The following AOPEP variants were observed in gnomAD, a reference collection of about 807,000 sequenced individuals.
The protein encoded by AOPEP is aminopeptidase O (putative), also known as aminopeptidase O.
In AOPEP, 77 loss-of-function variants were observed where a neutral mutation model predicts 98.1. The ratio of observed to expected loss-of-function variants is 0.78; its 90% confidence interval spans 0.65 to 0.95. AOPEP has a LOEUF of 0.95. Among genes scored for constraint, AOPEP ranks in the 40% least tolerant of loss-of-function variants. The probability of loss-of-function intolerance (pLI) is 0.00; values close to 1 mark genes in which losing one functional copy is unlikely to be tolerated. For missense variants in AOPEP, 1,024 were observed against 1,024.7 expected (o/e 1.00, Z 0.01); for synonymous variants, 346 against 365.3 (o/e 0.95, Z 0.60).
chr9:95,146,815 C>A, the AOPEP span, among the ~76,000 whole-genome samples: 2 of 151,696 alleles, frequency 1.3e-5, no homozygotes, highest in African/African-American at 2.4e-5. Flanking sequence ...AGAACTGTTT[C>A]CAGAGAGGGA....
At chr9:95,063,398 C>T (rs1033956156) in intron 14 of AOPEP, among the ~76,000 whole-genome samples, 1 of 152,198 alleles carries the variant, frequency 6.6e-6, no homozygotes, top group African/African-American at 2.4e-5. Flanking sequence ...GACTGACCTT[C>T]AGGCAGCAGC....
intron 5 of AOPEP, among the ~76,000 whole-genome samples, chr9:94,841,151 T>G (rs1279077804): frequency 6.6e-6 from 1 of 152,120 alleles, no homozygotes; most frequent in Non-Finnish European, 1.5e-5. Context: ...AAGCACTGCT[T>G]TAGCTGTGCT....
chr9:95,125,794 G>A, the AOPEP span, among the ~76,000 whole-genome samples: 3 of 152,214 alleles, frequency 2.0e-5, no homozygotes, highest in Non-Finnish European at 4.4e-5. Context: ...CTCTGCTGCT[G>A]TGTGTTAGGT....
At chr9:95,073,816 G>A (rs146989171) in intron 14 of AOPEP, among the ~76,000 whole-genome samples, 1,876 of 152,266 alleles carry the variant, frequency 0.012, 26 homozygotes, top group South Asian at 0.044. Flanking sequence ...CCGAGATCGC[G>A]TCACTGTACT....
chr9:94,993,008 C>G (rs1391215988), intron 11 of AOPEP, among the ~76,000 whole-genome samples: 1 of 152,122 alleles, frequency 6.6e-6, no homozygotes, highest in Admixed American at 6.5e-5. Context: ...TGGAAAATTG[C>G]TATTTGAGAG....
chr9:95,150,066 C>T, the AOPEP span: 13 of 1,613,946 alleles, frequency 8.1e-6, no homozygotes, highest in East Asian at 2.2e-5. Context: ...GTGACAGGGA[C>T]GCCACTCGCT....
the AOPEP span, among the ~76,000 whole-genome samples, chr9:95,119,360 CTTTTCT>C: frequency 5.0e-5 from 5 of 100,564 alleles, no homozygotes; most frequent in East Asian, 6.6e-4. Context: ...TTCTTTCTTC[CTTTTCT>C]TTTTTTTTTT....
intron 7 of AOPEP, among the ~76,000 whole-genome samples, chr9:94,947,702 A>G (rs2057787070): frequency 6.6e-6 from 1 of 152,218 alleles, no homozygotes; most frequent in South Asian, 2.1e-4. Flanking sequence ...TTGATCCCAA[A>G]ATGGCCTTGT....
At chr9:94,790,853 C>T (rs1845553753) in intron 3 of AOPEP, among the ~76,000 whole-genome samples, 1 of 151,742 alleles carries the variant, frequency 6.6e-6, no homozygotes, top group African/African-American at 2.4e-5. Flanking sequence ...GACATCCAAT[C>T]ACCGACCAAA....
intron 1 of AOPEP, among the ~76,000 whole-genome samples, chr9:94,734,145 C>T (rs1014438069): frequency 4.6e-5 from 7 of 152,118 alleles, no homozygotes; most frequent in Non-Finnish European, 2.9e-5. Flanking sequence ...ATACAGTGCT[C>T]CCCGCCGAGT....
rs558110758 is a variant in AOPEP at position 94,928,149 on chromosome 9, GGT to G, written c.1555-269_1555-268del. Among the ~76,000 whole-genome samples, 47 of 152,348 alleles carry G rather than the reference GGT, an allele frequency of 3.1e-4. 1 individual carries two copies. In the East Asian group the frequency reaches 8.3e-3, roughly 27 times the overall value. On this transcript the variant is annotated intron_variant, in intron 6 of 16. Coordinates refer to ENST00000375315, the MANE Select transcript of AOPEP (RefSeq NM_001193329.3). ...AGGGAAGCCCACTCTCTCCAGACCA[GGT>G]GTGTGTCGGTGGGATGGGTGGGTTC...
intron 5 of AOPEP, among the ~76,000 whole-genome samples, chr9:94,874,457 C>G (rs2046693312): frequency 6.6e-6 from 1 of 152,076 alleles, no homozygotes; most frequent in Non-Finnish European, 1.5e-5. Flanking sequence ...TAAGAACTTT[C>G]AAGCACTTTT....
chr9:94,954,186 C>T (rs1283441823), intron 7 of AOPEP, among the ~76,000 whole-genome samples: 4 of 151,980 alleles, frequency 2.6e-5, no homozygotes, highest in African/African-American at 9.7e-5. Context: ...TAGCTGGGTA[C>T]GGTGGCAGGC....
At chr9:95,011,181 AC>A (rs1456623492) in intron 13 of AOPEP, among the ~76,000 whole-genome samples, 1 of 150,472 alleles carries the variant, frequency 6.6e-6, no homozygotes, top group African/African-American at 2.4e-5. Context: ...GTATAGATTT[AC>A]TTATTTTTCC....
chr9:95,016,795 G>C (rs1399456762), intron 13 of AOPEP, among the ~76,000 whole-genome samples: 2 of 149,740 alleles, frequency 1.3e-5, no homozygotes, highest in African/African-American at 4.9e-5. Context: ...TTTTAAAAGA[G>C]ACAGGGTCTC....
intron 13 of AOPEP, among the ~76,000 whole-genome samples, chr9:95,029,047 G>C (rs2064078422): frequency 6.6e-6 from 1 of 152,248 alleles, no homozygotes; most frequent in Non-Finnish European, 1.5e-5. Context: ...GTGTGGGCAG[G>C]TGCTGTGTGG....
intron 5 of AOPEP, among the ~76,000 whole-genome samples, chr9:94,874,947 G>A (rs1296733144): frequency 6.6e-6 from 1 of 152,132 alleles, no homozygotes; most frequent in Non-Finnish European, 1.5e-5. Context: ...AAACATGAAT[G>A]CATGCCTTTC....
At chr9:95,040,570 G>T (rs2065199618) in intron 13 of AOPEP, among the ~76,000 whole-genome samples, 1 of 152,204 alleles carries the variant, frequency 6.6e-6, no homozygotes, top group Non-Finnish European at 1.5e-5. Flanking sequence ...CTCAGAAGTT[G>T]TCTCCATCTC....
At chr9:94,882,109 G>A (rs72748538) in intron 5 of AOPEP, among the ~76,000 whole-genome samples, 3,268 of 152,270 alleles carry the variant, frequency 0.021, 88 homozygotes, top group African/African-American at 0.058. Context: ...TGGTTATGGC[G>A]GGAAGGCCTG....
Sources: allele counts gnomAD v4.1 joint callset (sites outside exome capture counted in the v4.1 genomes callset), GRCh38; gene constraint gnomAD v4.1.1; transcripts MANE v1.5; gene names NCBI Gene and HGNC (gene_info 2026-07-23, HGNC 2026-07-21).